The following NWD2 variants were observed in gnomAD, a reference collection of about 807,000 sequenced individuals.
NWD2 encodes the protein NACHT and WD repeat domain containing 2.
A neutral mutation model predicts 132.7 loss-of-function variants in NWD2; 37 were observed. The observed-to-expected ratio is 0.28, with a 90% CI of 0.21 to 0.37. The LOEUF (loss-of-function observed/expected upper bound fraction) is 0.37. NWD2 is among the 10% of genes least tolerant of loss of function. The probability of loss-of-function intolerance (pLI) is 1.00; values close to 1 mark genes in which losing one functional copy is unlikely to be tolerated. For missense variants in NWD2, 1,592 were observed against 2,122.4 expected, an observed-to-expected ratio of 0.75 and a Z score of 4.91; for synonymous variants, 705 against 803.0, an observed-to-expected ratio of 0.88 and a Z score of 2.06.
chr4:37,419,625 TA>T (rs1474109226), intron 3 of NWD2, among the ~76,000 whole-genome samples: 25 of 152,174 alleles, frequency 1.6e-4, no homozygotes, highest in Non-Finnish European at 2.2e-4. Context: ...ACTAATTTTT[TA>T]AAAACCACTT....
intron 3 of NWD2, among the ~76,000 whole-genome samples, chr4:37,370,601 T>C (rs1405100171): frequency 6.6e-6 from 1 of 152,204 alleles, no homozygotes; most frequent in Non-Finnish European, 1.5e-5. Context: ...GTTATAAATA[T>C]GGAGGTGACC....
chr4:37,382,301 G>A (rs557135172), intron 3 of NWD2, among the ~76,000 whole-genome samples: 3 of 152,132 alleles, frequency 2.0e-5, no homozygotes, highest in Non-Finnish European at 4.4e-5. Flanking sequence ...GCACACCAGT[G>A]AACCTAGATT....
At chr4:37,369,174 A>C (rs1720165812) in intron 3 of NWD2, among the ~76,000 whole-genome samples, 1 of 152,224 alleles carries the variant, frequency 6.6e-6, no homozygotes, top group Non-Finnish European at 1.5e-5. Context: ...GGAGAAACTT[A>C]TGATCCAAAA....
chr4:37,413,351 C>A (rs1413593577), intron 3 of NWD2, among the ~76,000 whole-genome samples: 2 of 152,100 alleles, frequency 1.3e-5, no homozygotes, highest in Non-Finnish European at 2.9e-5. Context: ...ATTTATGCAG[C>A]CAACAGACAT....
chr4:37,285,227 T>C (rs1194373153), intron 1 of NWD2, among the ~76,000 whole-genome samples: 1 of 152,168 alleles, frequency 6.6e-6, no homozygotes, highest in Non-Finnish European at 1.5e-5. Flanking sequence ...CAACACACTA[T>C]GTAACTTTTA....
At chr4:37,436,032 C>T (rs531122974) in intron 5 of NWD2, among the ~76,000 whole-genome samples, 1 of 152,080 alleles carries the variant, frequency 6.6e-6, no homozygotes, top group Admixed American at 6.6e-5. Context: ...TCTAGTTTCA[C>T]CTTTTTAAAC....
At chr4:37,277,630 A>G (rs1233147517) in intron 1 of NWD2, among the ~76,000 whole-genome samples, 2 of 152,070 alleles carry the variant, frequency 1.3e-5, no homozygotes, top group East Asian at 1.9e-4. Flanking sequence ...TATTGTTGAC[A>G]TACTTTGCCA....
chr4:37,422,984 AT>A (rs200654391), intron 3 of NWD2, among the ~76,000 whole-genome samples: 303 of 148,378 alleles, frequency 2.0e-3, no homozygotes, highest in South Asian at 4.1e-3. Flanking sequence ...TAGGAAATTG[AT>A]TTTTTTTTTT....
At chr4:37,267,209 T>C (rs1168905163) in intron 1 of NWD2, among the ~76,000 whole-genome samples, 1 of 152,048 alleles carries the variant, frequency 6.6e-6, no homozygotes, top group Non-Finnish European at 1.5e-5. Context: ...TTCATGCTAA[T>C]TAAAAATTAT....
chr4:37,425,092 C>A (rs1182645887), intron 3 of NWD2, among the ~76,000 whole-genome samples: 1 of 152,134 alleles, frequency 6.6e-6, no homozygotes, highest in Non-Finnish European at 1.5e-5. Flanking sequence ...AGTAGAGAGT[C>A]TTTTTACATT....
At chr4:37,389,106 CA>C in intron 3 of NWD2, among the ~76,000 whole-genome samples, 1 of 152,264 alleles carries the variant, frequency 6.6e-6, no homozygotes, top group South Asian at 2.1e-4. Flanking sequence ...GACATTTGCC[CA>C]AAGGGAGGAA....
At chr4:37,245,244 G>C in intron 1 of NWD2, 26 bp downstream of exon 1, 1 of 1,515,634 alleles carries the variant, frequency 6.6e-7, no homozygotes, top group Non-Finnish European at 8.8e-7. Context: ...GGGTTTGCCC[G>C]TCCGTCCTTC....
At chr4:37,393,789 C>T (rs1298615118) in intron 3 of NWD2, among the ~76,000 whole-genome samples, 2 of 152,208 alleles carry the variant, frequency 1.3e-5, no homozygotes, top group African/African-American at 4.8e-5. Context: ...TCCCTCTCTC[C>T]TCTCAGAACT....
intron 3 of NWD2, among the ~76,000 whole-genome samples, chr4:37,395,533 G>A (rs1022302862): frequency 3.3e-4 from 38 of 116,346 alleles, no homozygotes; most frequent in Non-Finnish European, 4.2e-4. Context: ...GCAGTGAGCC[G>A]AGATCATGCC....
chr4:37,370,081 T>G (rs1459541100), intron 3 of NWD2, among the ~76,000 whole-genome samples: 1 of 152,222 alleles, frequency 6.6e-6, no homozygotes, highest in Non-Finnish European at 1.5e-5. Flanking sequence ...TTGCCACAGT[T>G]GGGAAACTAC....
intron 3 of NWD2, among the ~76,000 whole-genome samples, chr4:37,428,916 G>A (rs1712082462): frequency 6.6e-6 from 1 of 152,092 alleles, no homozygotes; most frequent in Admixed American, 6.5e-5. Flanking sequence ...ATTTTTAGTA[G>A]AGACAGGGTT....
intron 2 of NWD2, among the ~76,000 whole-genome samples, chr4:37,337,122 T>C (rs1719426171): frequency 6.6e-6 from 1 of 152,192 alleles, no homozygotes; most frequent in African/African-American, 2.4e-5. Flanking sequence ...CTGTTACACA[T>C]GAGGCAACAG....
At chr4:37,437,234 A>G (rs1243037828) in intron 5 of NWD2, among the ~76,000 whole-genome samples, 4 of 152,158 alleles carry the variant, frequency 2.6e-5, no homozygotes, top group Admixed American at 1.3e-4. Context: ...GAAATTCACA[A>G]TCTGAGATCA....
chr4:37,348,838 C>T (rs1169840069), intron 2 of NWD2, among the ~76,000 whole-genome samples: 2 of 151,092 alleles, frequency 1.3e-5, no homozygotes, highest in African/African-American at 4.9e-5. Context: ...CCCCTAGTAC[C>T]CCACCCCACA....
Sources: gnomAD v4.1 joint callset for allele counts (sites outside exome capture counted in the v4.1 genomes callset) on GRCh38, gnomAD v4.1.1 for gene constraint, MANE v1.5 for transcripts, NCBI Gene and HGNC (gene_info 2026-07-23, HGNC 2026-07-21) for gene names.